Variants in SLIT3 observed in about 807,000 individuals in gnomAD.
SLIT3 encodes slit guidance ligand 3, also known as slit homolog 3 protein.
SLIT3 carries 68 observed loss-of-function variants against 184.0 expected under a neutral mutation model. The observed-to-expected ratio is 0.37, with a 90% confidence interval of 0.30 to 0.45. The LOEUF is 0.45. SLIT3 is among the 20% of genes least tolerant of loss of function. The probability of loss-of-function intolerance (pLI) is 1.00; values close to 1 mark genes in which losing one functional copy is unlikely to be tolerated. For missense variants in SLIT3, 1,707 were observed against 2,026.0 expected (o/e 0.84, Z 3.02); for synonymous variants, 831 against 828.6 (o/e 1.00, Z -0.05).
chr5:169,236,829 C>A lies in SLIT3; in HGVS notation c.341+7876G>T, dbSNP rs78184252. 5.7e-3 allele frequency among the ~76,000 whole-genome samples: 875 copies of A among 152,216 alleles called. 8 individuals carry two copies. The highest frequency in any genetic ancestry group is 0.02 in the African/African-American group (815 of 41,524). On this transcript the variant is annotated intron_variant, in intron 3 of 35. Transcript: ENST00000519560. ...ATAAATACATGTATCAAAAATATTT[C>A]TATGTATATATTCATTGATATTAAA...
intron 5 of SLIT3, 118 bp downstream of exon 5, chr5:168,883,147 C>A: frequency 1.4e-6 from 1 of 724,900 alleles, no homozygotes; most frequent in Non-Finnish European, 2.4e-6. Context: ...CAAGCACAGC[C>A]CTCAATTTCA....
At chr5:168,975,162 C>T (rs1754706366) in intron 4 of SLIT3, among the ~76,000 whole-genome samples, 1 of 152,028 alleles carries the variant, frequency 6.6e-6, no homozygotes, top group South Asian at 2.1e-4. Context: ...GATGATGTCC[C>T]CAGCCAGTCC....
intron 4 of SLIT3, among the ~76,000 whole-genome samples, chr5:168,907,963 T>TAGAGAGAG (rs1282182817): frequency 1.3e-5 from 1 of 79,488 alleles, no homozygotes; most frequent in Non-Finnish European, 2.6e-5. Flanking sequence ...TATATATATA[T>TAGAGAGAG]ATATATATAT....
intron 4 of SLIT3, among the ~76,000 whole-genome samples, chr5:168,920,850 C>T (rs1034532456): frequency 3.9e-5 from 6 of 152,156 alleles, no homozygotes; most frequent in Non-Finnish European, 8.8e-5. Context: ...ACCCATTAAG[C>T]TTTTCCATGC....
At chr5:169,257,045 C>A (rs1765983136) in intron 1 of SLIT3, among the ~76,000 whole-genome samples, 1 of 151,942 alleles carries the variant, frequency 6.6e-6, no homozygotes. Flanking sequence ...CACCAGTCTG[C>A]CACAATGCTC....
chr5:169,244,932 T>C (rs951816667), intron 2 of SLIT3, among the ~76,000 whole-genome samples, 156 bp from the exon 3 acceptor site: 1 of 152,218 alleles, frequency 6.6e-6, no homozygotes, highest in African/African-American at 2.4e-5. Flanking sequence ...ATAACTCATA[T>C]CCCAGCTTGG....
At chr5:168,705,028 G>A (rs1762336188) in intron 26 of SLIT3, among the ~76,000 whole-genome samples, 1 of 152,198 alleles carries the variant, frequency 6.6e-6, no homozygotes, top group African/African-American at 2.4e-5. Flanking sequence ...AGAAGAGCGA[G>A]TTCTGTCCAA....
At chr5:169,044,577 T>C (rs1167125240) in intron 4 of SLIT3, among the ~76,000 whole-genome samples, 1 of 16,698 alleles carries the variant, frequency 6.0e-5, no homozygotes, top group South Asian at 2.0e-3. Flanking sequence ...TGCTGGGGGC[T>C]GGAGGAAGGT....
At chr5:168,783,610 G>T (rs1402854284) in intron 12 of SLIT3, among the ~76,000 whole-genome samples, 1 of 152,176 alleles carries the variant, frequency 6.6e-6, no homozygotes, top group Admixed American at 6.5e-5. Context: ...CTCACAAAGA[G>T]ACTCTGAGTC....
rs1040980717 is a variant in SLIT3, at chr5:168,666,227, C to A, written c.*227G>T. The stretch of plus-strand genomic sequence containing the variant: ...AATAACTCACTATATGGTACATATA[C>A]GCAGATGGTGTAATATATTTATATA... On this transcript the variant is annotated 3_prime_UTR_variant, in exon 36 of 36. Transcript: ENST00000519560. The A allele has an allele frequency of 7.3e-6, 3 of 413,420 alleles. No homozygotes were observed. The East Asian group carries it at 1.1e-4, about 15-fold the overall frequency. The allele number at this position is 413,420 out of a possible 1,614,324, so 25.6% of individuals were successfully genotyped here. A position where few individuals can be genotyped will look rare whatever the true frequency, so the allele number is the denominator to read the frequency against.
intron 4 of SLIT3, among the ~76,000 whole-genome samples, chr5:169,080,421 C>G (rs888680342): frequency 2.0e-5 from 3 of 152,150 alleles, no homozygotes; most frequent in South Asian, 2.1e-4. Context: ...GAGGTGGGTA[C>G]TATGATCTCC....
intron 1 of SLIT3, among the ~76,000 whole-genome samples, chr5:169,268,298 G>T (rs772571786): frequency 6.6e-6 from 1 of 152,142 alleles, no homozygotes; most frequent in Non-Finnish European, 1.5e-5. Context: ...TTTCACACAT[G>T]GAGGGAATTT....
chr5:168,993,667 A>G (rs2113394657), intron 4 of SLIT3, among the ~76,000 whole-genome samples: 1 of 123,916 alleles, frequency 8.1e-6, no homozygotes, highest in East Asian at 2.1e-4. Context: ...CTTTCTAAGT[A>G]CACAGGAAAA....
intron 3 of SLIT3, among the ~76,000 whole-genome samples, chr5:169,222,987 C>T (rs762604109): frequency 3.3e-5 from 5 of 152,150 alleles, no homozygotes; most frequent in African/African-American, 4.8e-5. Flanking sequence ...AGAAACTAGA[C>T]GCTACATGGA....
intron 4 of SLIT3, among the ~76,000 whole-genome samples, chr5:169,015,700 G>A (rs1316591156): frequency 6.6e-6 from 1 of 152,056 alleles, no homozygotes; most frequent in Non-Finnish European, 1.5e-5. Flanking sequence ...GGAGGCTGAG[G>A]CAAGAGAATA....
chr5:169,032,922 A>ATT (rs199911562), intron 4 of SLIT3, among the ~76,000 whole-genome samples: 1,324 of 88,098 alleles, frequency 0.015, 95 homozygotes, highest in African/African-American at 0.047. Context: ...TTTTTCCTTG[A>ATT]TTTTTTTTTT....
At chr5:168,852,089 G>C (rs897146993) in intron 5 of SLIT3, among the ~76,000 whole-genome samples, 2 of 152,206 alleles carry the variant, frequency 1.3e-5, no homozygotes, top group African/African-American at 4.8e-5. Flanking sequence ...AATACTCAGA[G>C]GCTGGACAAA....
intron 17 of SLIT3, 78 bp from the exon 18 acceptor site, chr5:168,753,176 G>C: frequency 6.8e-7 from 1 of 1,467,674 alleles, no homozygotes. Context: ...TGGTGTGTGT[G>C]TGTGTATAGG....
chr5:169,201,359 A>C (rs868187168), intron 3 of SLIT3, among the ~76,000 whole-genome samples: 5 of 152,160 alleles, frequency 3.3e-5, no homozygotes, highest in Non-Finnish European at 1.5e-5. Context: ...TTAAAAAATA[A>C]CCTAAAGATT....
Sources: gnomAD v4.1 joint callset for allele counts (sites outside exome capture counted in the v4.1 genomes callset) on GRCh38, gnomAD v4.1.1 for gene constraint, MANE v1.5 for transcripts, NCBI Gene and HGNC (gene_info 2026-07-23, HGNC 2026-07-21) for gene names.